The following TRPC4 variants were observed in gnomAD, a reference collection of about 807,000 sequenced individuals.
The protein encoded by TRPC4 is transient receptor potential cation channel subfamily C member 4.
Under a neutral mutation model 99.4 loss-of-function variants are expected in TRPC4, and 49 were observed. The observed-to-expected ratio is 0.49, with a 90% CI of 0.39 to 0.63. The LOEUF (loss-of-function observed/expected upper bound fraction) is 0.63, where lower values mean the gene tolerates loss of function less well. TRPC4 is among the 20% of genes least tolerant of loss of function. TRPC4 has a pLI of 0.00. For missense variants in TRPC4, 898 were observed against 1,152.9 expected, an observed-to-expected ratio of 0.78 and a Z score of 3.20; for synonymous variants, 454 against 425.9, an observed-to-expected ratio of 1.07 and a Z score of -0.81.
intron 1 of TRPC4, among the ~76,000 whole-genome samples, chr13:37,867,135 T>C (rs1264287038): frequency 6.6e-6 from 1 of 151,926 alleles, no homozygotes; most frequent in Admixed American, 6.6e-5. Flanking sequence ...TTTTCAAAAA[T>C]ACAACAATCA....
intron 2 of TRPC4, among the ~76,000 whole-genome samples, chr13:37,778,246 A>T (rs1252605759): frequency 6.6e-6 from 1 of 151,522 alleles, no homozygotes; most frequent in Non-Finnish European, 1.5e-5. Context: ...TTGCTTTGTG[A>T]TCTGGGACAT....
Position 37,749,465 on chromosome 13 carries a change from G to A in TRPC4, c.379-3010C>T, listed in dbSNP as rs577722329. On this transcript the variant is annotated intron_variant, in intron 2 of 10. Transcript: ENST00000379705. ...CATCAGGAACTGATTGTCTTAGCTGGACTCCGTGGGGGACTCTGCTGGGAC... is the reference window on the plus strand; with the variant it reads ...CATCAGGAACTGATTGTCTTAGCTGAACTCCGTGGGGGACTCTGCTGGGAC... 2.6e-5 allele frequency among the ~76,000 whole-genome samples: 4 copies of A among 152,242 alleles called. No homozygotes were observed. In the East Asian group the frequency reaches 7.8e-4, roughly 30 times the overall value.
At chr13:37,705,954 G>A (rs1163561016) in intron 3 of TRPC4, among the ~76,000 whole-genome samples, 3 of 105,692 alleles carry the variant, frequency 2.8e-5, no homozygotes. Context: ...TTCATGATGA[G>A]TTCCTATTGG....
At chr13:37,792,323 T>C (rs1042483646) in intron 1 of TRPC4, among the ~76,000 whole-genome samples, 4 of 152,168 alleles carry the variant, frequency 2.6e-5, no homozygotes, top group Admixed American at 1.3e-4. Context: ...TTTTGAGTAA[T>C]CTTGCTCTAA....
At chr13:37,775,501 C>G (rs2875103) in intron 2 of TRPC4, among the ~76,000 whole-genome samples, 1 of 150,298 alleles carries the variant, frequency 6.7e-6, no homozygotes, top group Non-Finnish European at 1.5e-5. Context: ...ACACAGATCA[C>G]CCCATCACCT....
intron 6 of TRPC4, among the ~76,000 whole-genome samples, chr13:37,658,091 T>C (rs771106805): frequency 3.7e-4 from 57 of 152,182 alleles, no homozygotes; most frequent in African/African-American, 3.4e-4. Flanking sequence ...TTCCCAAATC[T>C]ATTGAGACCA....
At chr13:37,660,781 A>G (rs1952409618) in intron 6 of TRPC4, among the ~76,000 whole-genome samples, 1 of 152,220 alleles carries the variant, frequency 6.6e-6, no homozygotes, top group Admixed American at 6.5e-5. Flanking sequence ...GCAGTAAAAA[A>G]GAGCCTGAAT....
intron 3 of TRPC4, among the ~76,000 whole-genome samples, chr13:37,745,445 T>A (rs1477530554): frequency 3.7e-4 from 1 of 2,690 alleles, no homozygotes; most frequent in Non-Finnish European, 1.5e-3. Flanking sequence ...CGTATATATA[T>A]ATATATATAT....
At chr13:37,749,978 A>G (rs1321435471) in intron 2 of TRPC4, among the ~76,000 whole-genome samples, 4 of 152,060 alleles carry the variant, frequency 2.6e-5, no homozygotes, top group Non-Finnish European at 5.9e-5. Flanking sequence ...CAAGCCTCCC[A>G]CTTGTTACTC....
intron 1 of TRPC4, among the ~76,000 whole-genome samples, chr13:37,842,276 A>AC (rs2139642846): frequency 6.7e-6 from 1 of 149,904 alleles, no homozygotes; most frequent in East Asian, 2.0e-4. Flanking sequence ...TCTCAAAAAA[A>AC]AAAAAAAAAC....
intron 1 of TRPC4, among the ~76,000 whole-genome samples, chr13:37,799,798 A>G (rs1187390467): frequency 7.2e-5 from 11 of 152,234 alleles, no homozygotes; most frequent in Admixed American, 7.2e-4. Context: ...ATTTTATACT[A>G]TGTAAGGATA....
chr13:37,816,962 A>G (rs983356203), intron 1 of TRPC4, among the ~76,000 whole-genome samples: 1 of 152,092 alleles, frequency 6.6e-6, no homozygotes, highest in African/African-American at 2.4e-5. Flanking sequence ...AAACCAGCAC[A>G]AGACAAGGAT....
At chr13:37,737,249 A>AATAATG (rs1955426595) in intron 3 of TRPC4, among the ~76,000 whole-genome samples, 1 of 151,162 alleles carries the variant, frequency 6.6e-6, no homozygotes, top group Non-Finnish European at 1.5e-5. Flanking sequence ...TAATAATAAT[A>AATAATG]ATAGCTGATA....
intron 3 of TRPC4, among the ~76,000 whole-genome samples, chr13:37,711,896 T>A (rs1954498462): frequency 6.6e-6 from 1 of 152,030 alleles, no homozygotes; most frequent in Non-Finnish European, 1.5e-5. Context: ...ATTTAACATA[T>A]CTAAAATTAT....
At chr13:37,803,457 C>T (rs1369346474) in intron 1 of TRPC4, among the ~76,000 whole-genome samples, 1 of 151,990 alleles carries the variant, frequency 6.6e-6, no homozygotes, top group African/African-American at 2.4e-5. Flanking sequence ...CTTACACACA[C>T]AAAATCATTC....
intron 5 of TRPC4, among the ~76,000 whole-genome samples, chr13:37,664,373 C>T (rs933109567): frequency 3.3e-5 from 5 of 151,858 alleles, no homozygotes; most frequent in African/African-American, 9.7e-5. Flanking sequence ...TGGGAGTTCG[C>T]GACCAGCCTG....
chr13:37,752,064 A>T (rs1284570299), intron 2 of TRPC4, among the ~76,000 whole-genome samples: 1 of 38,020 alleles, frequency 2.6e-5, no homozygotes, highest in Non-Finnish European at 6.0e-5. Flanking sequence ...AAAACCTGAT[A>T]AAGCAGAAAA....
At chr13:37,748,222 T>C (rs1955839256) in intron 2 of TRPC4, among the ~76,000 whole-genome samples, 1 of 152,152 alleles carries the variant, frequency 6.6e-6, no homozygotes, top group South Asian at 2.1e-4. Flanking sequence ...ACTGTACTTT[T>C]AGTGTTTTCT....
intron 3 of TRPC4, among the ~76,000 whole-genome samples, chr13:37,695,863 G>A (rs1286227453): frequency 3.3e-5 from 5 of 151,852 alleles, no homozygotes; most frequent in East Asian, 1.9e-4. Context: ...TTAACTACTC[G>A]AAACATGAAA....
Sources: allele counts gnomAD v4.1 joint callset (sites outside exome capture counted in the v4.1 genomes callset), GRCh38; gene constraint gnomAD v4.1.1; transcripts MANE v1.5; gene names NCBI Gene and HGNC (gene_info 2026-07-23, HGNC 2026-07-21).